Variants in TCERG1L observed in about 807,000 individuals in gnomAD.
TCERG1L encodes the protein transcription elongation regulator 1-like protein.
Under a neutral mutation model 56.3 loss-of-function variants are expected in TCERG1L, and 37 were observed. The ratio of observed to expected loss-of-function variants is 0.66; its 90% confidence interval spans 0.51 to 0.87. The LOEUF is 0.87. TCERG1L is among the 40% of genes least tolerant of loss of function. TCERG1L has a pLI of 0.00. For synonymous variants in TCERG1L, 324 were observed against 326.3 expected, an observed-to-expected ratio of 0.99 and a Z score of 0.08; for missense variants, 799 against 774.2, an observed-to-expected ratio of 1.03 and a Z score of -0.38.
Position 131,113,456 on chromosome 10 carries a change from C to A in TCERG1L, c.1395+3343G>T, listed in dbSNP as rs1030814979. ...ACCAGATGTTACTCATCCGGGGAGA[C>A]GGACAGGGCAAGGCTGCCCTTCCTT... On this transcript the variant is annotated intron_variant, in intron 9 of 11. Coordinates refer to ENST00000368642, the MANE Select transcript of TCERG1L (RefSeq NM_174937.4). 1.7e-4 allele frequency among the ~76,000 whole-genome samples: 24 copies of A among 142,158 alleles called. 1 individual carries two copies. Among genetic ancestry groups the A allele is most frequent in the African/African-American group, 5.7e-4 (23 of 40,348 alleles). 93.3% of individuals were successfully genotyped at this position (142,158 alleles called of 152,430 possible). A position where few individuals can be genotyped will look rare whatever the true frequency, so the allele number is the denominator to read the frequency against.
intron 7 of TCERG1L, among the ~76,000 whole-genome samples, chr10:131,136,827 G>A (rs1025312034): frequency 1.3e-5 from 2 of 151,614 alleles, no homozygotes; most frequent in Non-Finnish European, 2.9e-5. Flanking sequence ...CTGGCTGTGG[G>A]AACCTGCTCT....
intron 4 of TCERG1L, among the ~76,000 whole-genome samples, chr10:131,228,038 G>A (rs1328046879): frequency 6.6e-6 from 1 of 150,486 alleles, no homozygotes; most frequent in Non-Finnish European, 1.5e-5. Flanking sequence ...CCCTCTCCGT[G>A]CTGTGTTTTC....
At chr10:131,212,199 A>G (rs1270054607) in intron 4 of TCERG1L, among the ~76,000 whole-genome samples, 1 of 152,206 alleles carries the variant, frequency 6.6e-6, no homozygotes, top group Non-Finnish European at 1.5e-5. Flanking sequence ...CACTGGCACC[A>G]TCTCAACTCA....
intron 6 of TCERG1L, among the ~76,000 whole-genome samples, chr10:131,149,376 C>A (rs1383193755): frequency 1.3e-5 from 2 of 149,490 alleles, no homozygotes; most frequent in African/African-American, 4.8e-5. Flanking sequence ...CCCAGCAAGC[C>A]CAGGCCAGGG....
At chr10:131,094,092 G>A (rs1439171944) in intron 11 of TCERG1L, among the ~76,000 whole-genome samples, 2 of 152,192 alleles carry the variant, frequency 1.3e-5, no homozygotes, top group South Asian at 2.1e-4. Flanking sequence ...GCAGCTTAGA[G>A]GGCAAAACAG....
chr10:131,305,952 T>G (rs1450639180), intron 3 of TCERG1L, among the ~76,000 whole-genome samples: 1 of 152,152 alleles, frequency 6.6e-6, no homozygotes, highest in Non-Finnish European at 1.5e-5. Context: ...CATATAAATT[T>G]ATCAATTCAT....
chr10:131,290,618 T>C (rs980863254), intron 3 of TCERG1L, among the ~76,000 whole-genome samples: 19 of 108,938 alleles, frequency 1.7e-4, no homozygotes, highest in African/African-American at 5.5e-4. Context: ...ACAAGAACAG[T>C]GAAACCCCAT....
intron 4 of TCERG1L, among the ~76,000 whole-genome samples, chr10:131,205,041 T>A (rs896850147): frequency 2.0e-5 from 3 of 152,164 alleles, no homozygotes; most frequent in African/African-American, 7.2e-5. Context: ...GGGGCTGCAC[T>A]GAGAATCCAG....
At chr10:131,232,309 G>A (rs1845860932) in intron 4 of TCERG1L, among the ~76,000 whole-genome samples, 1 of 152,220 alleles carries the variant, frequency 6.6e-6, no homozygotes, top group Non-Finnish European at 1.5e-5. Context: ...CCCTGAGCTG[G>A]GAGGAGCCCA....
At chr10:131,142,582 T>C (rs1284043332) in intron 7 of TCERG1L, among the ~76,000 whole-genome samples, 1 of 152,114 alleles carries the variant, frequency 6.6e-6, no homozygotes, top group Admixed American at 6.5e-5. Flanking sequence ...GGAAGGACAG[T>C]GTTGAGTGCA....
intron 4 of TCERG1L, among the ~76,000 whole-genome samples, chr10:131,180,904 C>T (rs1429316355): frequency 6.6e-6 from 1 of 152,152 alleles, no homozygotes; most frequent in African/African-American, 2.4e-5. Flanking sequence ...CCCCACGCTT[C>T]CCATCGCTGA....
At chr10:131,244,353 G>A (rs943488362) in intron 4 of TCERG1L, among the ~76,000 whole-genome samples, 6 of 152,142 alleles carry the variant, frequency 3.9e-5, no homozygotes, top group African/African-American at 9.7e-5. Flanking sequence ...GCTTTCATCC[G>A]GGGGTTCAAG....
intron 4 of TCERG1L, among the ~76,000 whole-genome samples, chr10:131,215,951 G>A (rs1267137591): frequency 2.0e-5 from 3 of 152,220 alleles, no homozygotes; most frequent in Non-Finnish European, 2.9e-5. Flanking sequence ...ACTCACCCAC[G>A]AACGCGCACT....
At chr10:131,177,212 G>C (rs1323676680) in intron 4 of TCERG1L, among the ~76,000 whole-genome samples, 1 of 47,816 alleles carries the variant, frequency 2.1e-5, no homozygotes, top group Non-Finnish European at 4.7e-5. Flanking sequence ...GCAGACACAA[G>C]CACACATATA....
chr10:131,124,777 G>A (rs1475506895), intron 8 of TCERG1L, among the ~76,000 whole-genome samples: 4 of 152,198 alleles, frequency 2.6e-5, no homozygotes, highest in Non-Finnish European at 4.4e-5. Context: ...AGGAGGGAAC[G>A]CTGGGCGCTA....
chr10:131,290,280 C>G (rs574016561), intron 3 of TCERG1L, among the ~76,000 whole-genome samples: 1 of 152,286 alleles, frequency 6.6e-6, no homozygotes, highest in South Asian at 2.1e-4. Context: ...CATGTTCACA[C>G]GGATATACTG....
intron 4 of TCERG1L, among the ~76,000 whole-genome samples, chr10:131,255,028 C>A (rs1479420673): frequency 6.6e-6 from 1 of 151,858 alleles, no homozygotes; most frequent in Non-Finnish European, 1.5e-5. Flanking sequence ...CTATGGAACA[C>A]TGTGGGAGAG....
intron 4 of TCERG1L, among the ~76,000 whole-genome samples, chr10:131,238,016 G>A (rs1386505534): frequency 2.6e-5 from 4 of 152,188 alleles, no homozygotes; most frequent in Non-Finnish European, 4.4e-5. Flanking sequence ...ATCAATGGCC[G>A]TCTTTTCAAC....
chr10:131,232,365 CT>C (rs1845861964), intron 4 of TCERG1L, among the ~76,000 whole-genome samples: 1 of 152,228 alleles, frequency 6.6e-6, no homozygotes, highest in Non-Finnish European at 1.5e-5. Flanking sequence ...CGCCGGGGCA[CT>C]CCCTGGCAGC....
Sources: gnomAD v4.1 joint callset for allele counts (sites outside exome capture counted in the v4.1 genomes callset) on GRCh38, gnomAD v4.1.1 for gene constraint, MANE v1.5 for transcripts, NCBI Gene and HGNC (gene_info 2026-07-23, HGNC 2026-07-21) for gene names.